The following EYS variants were observed in gnomAD, a reference collection of about 807,000 sequenced individuals.
The protein encoded by EYS is EGF-like photoreceptor maintenance factor.
Under a neutral mutation model 282.1 loss-of-function variants are expected in EYS, and 250 were observed. The observed-to-expected ratio is 0.89, with a 90% CI of 0.80 to 0.98. EYS has a LOEUF of 0.98. Among genes scored for constraint, EYS ranks in the 50% least tolerant of loss-of-function variants. The pLI is 0.00. For missense variants in EYS, 4,016 were observed against 3,709.0 expected (o/e 1.08, Z -2.15); for synonymous variants, 1,355 against 1,282.9 (o/e 1.06, Z -1.20).
Position 63,720,640 on chromosome 6 carries a change from C to T in EYS, c.9391G>A (p.Gly3131Arg), listed in dbSNP as rs1195812577. The T allele has an allele frequency of 1.3e-6, 2 of 1,524,044 alleles. No individual in the cohort carries two copies. The highest frequency in any genetic ancestry group is 2.8e-5 in the African/African-American group (2 of 71,698). The allele number at this position is 1,524,044 out of a possible 1,614,324, so 94.4% of individuals were successfully genotyped here. Residue 3131 changes from glycine (G) to arginine (R), a missense_variant, in exon 43 of 43, where the codon GGA becomes AGA. By Grantham distance (125) the Gly-to-Arg change is moderately radical. Transcript: ENST00000503581. ...TCATCTCCATCATAAACATTGTATC[C>T]TTCTAATTTAATTAGTTCAATGTTT... Reference protein sequence around the residue: ...PKNIELIKLEGYNVYDGDEQN... With the variant: ...PKNIELIKLERYNVYDGDEQN...
At chr6:64,183,195 T>A (rs1409737274) in intron 31 of EYS, among the ~76,000 whole-genome samples, 1 of 152,134 alleles carries the variant, frequency 6.6e-6, no homozygotes, top group Non-Finnish European at 1.5e-5. Context: ...CCACTATGAT[T>A]GTAAGTTTCC....
chr6:65,243,291 T>G (rs1287331496), intron 12 of EYS, among the ~76,000 whole-genome samples: 3 of 151,736 alleles, frequency 2.0e-5, no homozygotes, highest in African/African-American at 7.2e-5. Flanking sequence ...CATTAAGATT[T>G]TGGTTTTCTA....
At chr6:64,410,986 G>A (rs563488275) in intron 28 of EYS, among the ~76,000 whole-genome samples, 39 of 152,092 alleles carry the variant, frequency 2.6e-4, no homozygotes, top group Non-Finnish European at 4.7e-4. Context: ...CCAGCATAAA[G>A]TTTAATCAGC....
At chr6:65,406,919 C>A (rs1057282799) in intron 5 of EYS, among the ~76,000 whole-genome samples, 2 of 151,686 alleles carry the variant, frequency 1.3e-5, no homozygotes, top group African/African-American at 4.8e-5. Context: ...TCTTTTTTTC[C>A]AAAAATATTT....
chr6:63,998,139 CAGAGCCTGAGAT>C (rs1767919565), intron 34 of EYS, among the ~76,000 whole-genome samples: 2 of 152,130 alleles, frequency 1.3e-5, no homozygotes, highest in South Asian at 4.1e-4. Flanking sequence ...TGCTGGGAAA[CAGAGCCTGAGAT>C]AGAGCCTCCT....
intron 7 of EYS, among the ~76,000 whole-genome samples, chr6:65,391,903 C>G (rs1026333141): frequency 6.6e-5 from 10 of 152,142 alleles, no homozygotes; most frequent in African/African-American, 1.7e-4. Flanking sequence ...AGGCATCACG[C>G]TACCTGACTT....
intron 14 of EYS, among the ~76,000 whole-genome samples, chr6:64,959,038 C>T (rs1318578417): frequency 6.6e-6 from 1 of 152,088 alleles, no homozygotes; most frequent in Admixed American, 6.6e-5. Flanking sequence ...TTGTTGCTGG[C>T]TGATAGACTA....
intron 42 of EYS, 57 bp downstream of exon 42, chr6:63,726,462 A>G: frequency 2.8e-6 from 4 of 1,427,480 alleles, no homozygotes; most frequent in Non-Finnish European, 3.8e-6. Flanking sequence ...ACTATCATAC[A>G]TTACTTAATA....
intron 31 of EYS, among the ~76,000 whole-genome samples, chr6:64,169,430 A>ATTTTTTTTTT (rs1764408351): frequency 3.0e-5 from 1 of 33,654 alleles, no homozygotes; most frequent in African/African-American, 6.3e-5. Flanking sequence ...TTTGAGGAGG[A>ATTTTTTTTTT]GTTTTTTTTT....
At chr6:64,005,050 AC>A (rs2149806964) in intron 33 of EYS, among the ~76,000 whole-genome samples, 1 of 152,336 alleles carries the variant, frequency 6.6e-6, no homozygotes, top group African/African-American at 2.4e-5. Flanking sequence ...ACTTCTTTCC[AC>A]AATGGCTGAA....
chr6:63,739,574 G>A (rs1184390590), intron 41 of EYS, among the ~76,000 whole-genome samples: 1 of 152,170 alleles, frequency 6.6e-6, no homozygotes, highest in Admixed American at 6.5e-5. Context: ...AGTTGAGGAA[G>A]TGAGTACCTC....
At chr6:65,603,943 T>C (rs867504643) in intron 2 of EYS, among the ~76,000 whole-genome samples, 14 of 151,986 alleles carry the variant, frequency 9.2e-5, no homozygotes, top group African/African-American at 3.1e-4. Flanking sequence ...CTGTAAACTT[T>C]ATCTTTGTTC....
At chr6:63,905,486 C>T (rs1366952293) in intron 35 of EYS, among the ~76,000 whole-genome samples, 4 of 151,838 alleles carry the variant, frequency 2.6e-5, no homozygotes, top group South Asian at 2.1e-4. Flanking sequence ...CCCGCCACCA[C>T]GCCCGGCTAA....
At chr6:65,267,375 C>G (rs1246626506) in intron 12 of EYS, among the ~76,000 whole-genome samples, 1 of 151,794 alleles carries the variant, frequency 6.6e-6, no homozygotes, top group Non-Finnish European at 1.5e-5. Flanking sequence ...GAGACCATCA[C>G]TTGACAAAAA....
intron 29 of EYS, among the ~76,000 whole-genome samples, chr6:64,335,387 C>T (rs1770812795): frequency 1.3e-5 from 2 of 152,002 alleles, no homozygotes; most frequent in South Asian, 2.1e-4. Context: ...TTTCTGCTTA[C>T]CTCCCTAGCG....
At chr6:65,186,636 C>T (rs1765523032) in intron 12 of EYS, among the ~76,000 whole-genome samples, 1 of 151,710 alleles carries the variant, frequency 6.6e-6, no homozygotes, top group Admixed American at 6.6e-5. Context: ...AATTATGGAT[C>T]ATTTCAAATT....
chr6:64,747,266 T>C (rs796184101), intron 22 of EYS, among the ~76,000 whole-genome samples: 14 of 152,346 alleles, frequency 9.2e-5, no homozygotes, highest in African/African-American at 3.4e-4. Context: ...AGTCATTCCA[T>C]TAGTCCAATG....
chr6:63,941,747 C>A (rs144936758), intron 35 of EYS, among the ~76,000 whole-genome samples: 55 of 152,230 alleles, frequency 3.6e-4, no homozygotes, highest in Non-Finnish European at 7.1e-4. Context: ...ATGATCGGGA[C>A]TCCCCTTACC....
chr6:64,455,441 ATTATT>A (rs1036164058), intron 26 of EYS, among the ~76,000 whole-genome samples: 15 of 138,142 alleles, frequency 1.1e-4, no homozygotes, highest in East Asian at 2.5e-4. Flanking sequence ...TTTTATTATT[ATTATT>A]TTATTTTATT....
Sources: gnomAD v4.1 joint callset for allele counts (sites outside exome capture counted in the v4.1 genomes callset) on GRCh38, gnomAD v4.1.1 for gene constraint, MANE v1.5 for transcripts, NCBI Gene and HGNC (gene_info 2026-07-23, HGNC 2026-07-21) for gene names.